The following LMX1B variants were observed in gnomAD, a reference collection of about 807,000 sequenced individuals.
The protein encoded by LMX1B is LIM homeobox transcription factor 1 beta.
In LMX1B, 12 loss-of-function variants were observed where a neutral mutation model predicts 51.4. The observed-to-expected ratio is 0.23, with a 90% CI of 0.15 to 0.38. LMX1B has a LOEUF of 0.38. Among genes scored for constraint, LMX1B ranks in the 10% least tolerant of loss-of-function variants. The pLI is 1.00. For missense variants in LMX1B, 445 were observed against 571.1 expected (o/e 0.78, Z 2.25); for synonymous variants, 237 against 235.4 (o/e 1.01, Z -0.06).
intron 2 of LMX1B, among the ~76,000 whole-genome samples, chr9:126,684,460 A>G (rs1836737037): frequency 6.6e-6 from 1 of 152,134 alleles, no homozygotes; most frequent in South Asian, 2.1e-4. Flanking sequence ...CCAGATTCTC[A>G]ATTACCAGGG....
chr9:126,621,655 C>CTTTTTTTT (rs71377950), intron 2 of LMX1B, among the ~76,000 whole-genome samples: 10 of 116,900 alleles, frequency 8.6e-5, no homozygotes, highest in African/African-American at 4.0e-4. Context: ...TCTCTCTCTT[C>CTTTTTTTT]TTTTTTTTTT....
chr9:126,631,613 AATGAGGC>A (rs1384136635), intron 2 of LMX1B, among the ~76,000 whole-genome samples: 1 of 152,092 alleles, frequency 6.6e-6, no homozygotes, highest in Non-Finnish European at 1.5e-5. Flanking sequence ...GCTGAGCAGA[AATGAGGC>A]CAGCACAGTC....
chr9:126,687,664 T>G (rs1383862021), intron 2 of LMX1B, among the ~76,000 whole-genome samples: 4 of 152,240 alleles, frequency 2.6e-5, no homozygotes, highest in Non-Finnish European at 5.9e-5. Context: ...TCGCTACATC[T>G]TCATGCTGAG....
In LMX1B at chr9:126,696,607, T is replaced by A; in HGVS notation, c.*156T>A. ...CAGCTGGGCCTGACCACTGTGCCCGTTGGGTACAGCCAGACCGGTAGATGG... is the reference window on the plus strand; with the variant it reads ...CAGCTGGGCCTGACCACTGTGCCCGATGGGTACAGCCAGACCGGTAGATGG... On this transcript the variant is annotated 3_prime_UTR_variant, in exon 8 of 8. Transcript: ENST00000373474. The A allele has an allele frequency of 2.5e-6, 2 of 792,568 alleles. No homozygotes were observed. Among genetic ancestry groups the A allele is most frequent in the Non-Finnish European group, 4.1e-6 (2 of 487,334 alleles). 49.1% of individuals were successfully genotyped at this position (792,568 alleles called of 1,614,324 possible).
intron 2 of LMX1B, among the ~76,000 whole-genome samples, chr9:126,645,492 A>G (rs1287989641): frequency 6.6e-6 from 1 of 152,238 alleles, no homozygotes; most frequent in African/African-American, 2.4e-5. Flanking sequence ...CAAGCTGAGC[A>G]CAGACTGAAT....
In LMX1B at chr9:126,696,857, C is replaced by T. The variant is rs1285686991; in HGVS notation, c.*406C>T. On this transcript the variant is annotated 3_prime_UTR_variant, in exon 8 of 8. Coordinates refer to ENST00000373474, the MANE Select transcript of LMX1B (RefSeq NM_001174147.2). ...GGACAATGGTGTCATGAGGCGGTGA[C>T]CTGAGAAGCGTGTGTACCTGTGCCC... 7.2e-6 allele frequency: 2 copies of T among 277,346 alleles called. No individual in the cohort carries two copies. Among genetic ancestry groups the T allele is most frequent in the East Asian group, 1.9e-4 (2 of 10,722 alleles). 17.2% of individuals were successfully genotyped at this position (277,346 alleles called of 1,614,324 possible).
At chr9:126,643,232 G>T (rs909631025) in intron 2 of LMX1B, among the ~76,000 whole-genome samples, 1 of 152,118 alleles carries the variant, frequency 6.6e-6, no homozygotes, top group East Asian at 1.9e-4. Context: ...GTGAGGTGAG[G>T]AGCTGGGTAC....
At position 126,625,061 on chromosome 9, in the gene LMX1B, C is replaced by G. The variant is rs958492607; in HGVS notation, c.326+9492C>G. ...GGCTGTGCCGCTCAAACCGCGGGGC[C>G]CTTTGTCCCACGGAGTGAACGACGG... On this transcript the variant is annotated intron_variant, in intron 2 of 7. Transcript: ENST00000373474. This position sits in a 1 kb window ranked among gnomAD's most constrained non-coding sequence, Gnocchi z 5.3. Among the ~76,000 whole-genome samples the G allele has an allele frequency of 1.3e-5, 2 of 152,220 alleles. No homozygotes were observed. Among genetic ancestry groups the G allele is most frequent in the African/African-American group, 4.8e-5 (2 of 41,456 alleles).
intron 2 of LMX1B, among the ~76,000 whole-genome samples, chr9:126,676,071 C>T (rs951352044): frequency 1.3e-5 from 2 of 150,666 alleles, no homozygotes; most frequent in Admixed American, 1.3e-4. Flanking sequence ...AAAAAATGTT[C>T]AGTAGACAGT....
rs568929945 is a variant in LMX1B at position 126,618,734 on chromosome 9, G to A, written c.326+3165G>A. On this transcript the variant is annotated intron_variant, in intron 2 of 7. Coordinates refer to ENST00000373474, the MANE Select transcript of LMX1B (RefSeq NM_001174147.2). The surrounding 1 kb of genome is among the most constrained non-coding windows in gnomAD (Gnocchi z 4.5). ...TAACTCTCTTTTCTTGCCGTCTGTC[G>A]CTCGTCTGGAAAGGGTTTTTATCCT... Among the ~76,000 whole-genome samples the A allele has an allele frequency of 1.3e-5, 2 of 152,296 alleles. No homozygotes were observed. The highest frequency in any genetic ancestry group is 2.4e-5 in the African/African-American group (1 of 41,574).
In LMX1B at chr9:126,626,539, G is replaced by A. The variant is rs1336800376; in HGVS notation, c.326+10970G>A. 6.6e-6 allele frequency among the ~76,000 whole-genome samples: 1 copy of A among 152,164 alleles called. No homozygotes were observed. The highest frequency in any genetic ancestry group is 1.5e-5 in the Non-Finnish European group (1 of 68,018). On this transcript the variant is annotated intron_variant, in intron 2 of 7. Coordinates refer to ENST00000373474, the MANE Select transcript of LMX1B (RefSeq NM_001174147.2). This position sits in a 1 kb window ranked among gnomAD's most constrained non-coding sequence, Gnocchi z 4.3. ...GAAGCCCTGAGCTCACCTCCCGCCC[G>A]TCCTCTCCTGGAGCCCCCTCTGCAA... is the stretch of plus-strand genomic sequence containing the variant.
Position 126,615,715 on chromosome 9 carries a change from C to G in LMX1B, c.326+146C>G, listed in dbSNP as rs1835291679. On this transcript the variant is annotated intron_variant, in intron 2 of 7. Coordinates refer to ENST00000373474, the MANE Select transcript of LMX1B (RefSeq NM_001174147.2). The surrounding 1 kb of genome is among the most constrained non-coding windows in gnomAD (Gnocchi z 6.0). ...TCCAAGGGTTCCGAGAGCTGCGCGT[C>G]TTGGGGCTGGGGCGGACCAGCCCAG... 5.5e-6 allele frequency: 4 copies of G among 728,284 alleles called. No homozygotes were observed. Among genetic ancestry groups the G allele is most frequent in the Non-Finnish European group, 8.3e-6 (4 of 482,998 alleles). The allele number at this position is 728,284 out of a possible 1,614,324, so 45.1% of individuals were successfully genotyped here.
At chr9:126,669,103 C>CGAGGGCG (rs1343605841) in intron 2 of LMX1B, among the ~76,000 whole-genome samples, 2 of 152,156 alleles carry the variant, frequency 1.3e-5, no homozygotes, top group Non-Finnish European at 2.9e-5. Flanking sequence ...TCCTGGACCC[C>CGAGGGCG]GAGGGCGGAG....
At position 126,700,619 on chromosome 9, in the gene LMX1B, GCT is replaced by G. The variant is rs2030508538; in HGVS notation, c.*4169_*4170del. On this transcript the variant is annotated 3_prime_UTR_variant, in exon 8 of 8. Transcript: ENST00000373474. ...CACTCACACCTGGACGCACACGGAG[GCT>G]TGCGGACCCATACTCACAGGCACAT... The G allele has an allele frequency of 6.6e-6, 1 of 152,336 alleles. No individual in the cohort carries two copies. Among genetic ancestry groups the G allele is most frequent in the Non-Finnish European group, 1.5e-5 (1 of 68,160 alleles). 9.4% of individuals were successfully genotyped at this position (152,336 alleles called of 1,614,324 possible). A position where few individuals can be genotyped will look rare whatever the true frequency, so the allele number is the denominator to read the frequency against.
chr9:126,660,622 G>A (rs1036486331), intron 2 of LMX1B, among the ~76,000 whole-genome samples: 1 of 152,188 alleles, frequency 6.6e-6, no homozygotes, highest in Non-Finnish European at 1.5e-5. Context: ...AGTTAACATT[G>A]TGAAAGGCTT....
chr9:126,674,800 C>G (rs556848170), intron 2 of LMX1B, among the ~76,000 whole-genome samples: 1 of 152,200 alleles, frequency 6.6e-6, no homozygotes, highest in South Asian at 2.1e-4. Flanking sequence ...CAGCCAGGAC[C>G]CGCTGTGCCT....
Position 126,614,337 on chromosome 9 carries a change from G to T in LMX1B, c.-113G>T. On this transcript the variant is annotated 5_prime_UTR_variant, in exon 1 of 8. Coordinates refer to ENST00000373474, the MANE Select transcript of LMX1B (RefSeq NM_001174147.2). Reference sequence around the variant, plus strand: ...ATCGCCGGGGGCCGGCGCAACCCCTGCCCTGCGGGGGCCGCGCCTCCCCGG... The same window carrying T: ...ATCGCCGGGGGCCGGCGCAACCCCTTCCCTGCGGGGGCCGCGCCTCCCCGG... The T allele has an allele frequency of 1.4e-6, 1 of 726,730 alleles. No individual in the cohort carries two copies. Among genetic ancestry groups the T allele is most frequent in the Non-Finnish European group, 1.7e-6 (1 of 586,972 alleles). The allele number at this position is 726,730 out of a possible 1,614,324, so 45.0% of individuals were successfully genotyped here.
chr9:126,644,143 G>T (rs759859435), intron 2 of LMX1B, among the ~76,000 whole-genome samples: 1 of 152,188 alleles, frequency 6.6e-6, no homozygotes, highest in Non-Finnish European at 1.5e-5. Flanking sequence ...GTGGGCCCGC[G>T]CTGGTCTCTC....
intron 2 of LMX1B, among the ~76,000 whole-genome samples, chr9:126,636,564 G>A (rs1564150712): frequency 1.3e-5 from 2 of 152,102 alleles, no homozygotes; most frequent in Non-Finnish European, 2.9e-5. Flanking sequence ...GCTGCTGTGT[G>A]GATTGCAAGG....
Sources: allele counts gnomAD v4.1 joint callset (sites outside exome capture counted in the v4.1 genomes callset), GRCh38; gene constraint gnomAD v4.1.1; non-coding constraint Gnocchi (gnomAD v3.1); transcripts MANE v1.5; gene names NCBI Gene and HGNC (gene_info 2026-07-23, HGNC 2026-07-21).